The following NXPE3 variants were observed in gnomAD, a reference collection of about 807,000 sequenced individuals.
NXPE3 encodes NXPE family member 3.
In NXPE3, 26 loss-of-function variants were observed where a neutral mutation model predicts 46.1. That is an observed-to-expected ratio of 0.56 (90% confidence interval 0.41 to 0.78). The LOEUF (loss-of-function observed/expected upper bound fraction) is 0.78. Among genes scored for constraint, NXPE3 ranks in the 30% least tolerant of loss-of-function variants. NXPE3 has a pLI of 0.00. For missense variants in NXPE3, 620 were observed against 686.0 expected, an observed-to-expected ratio of 0.90 and a Z score of 1.07; for synonymous variants, 272 against 257.9, an observed-to-expected ratio of 1.05 and a Z score of -0.52.
At chr3:101,807,183 C>A in intron 6 of NXPE3, 57 bp downstream of exon 6, 1 of 1,323,386 alleles carries the variant, frequency 7.6e-7, no homozygotes, top group Non-Finnish European at 1.1e-6. Context: ...TGGGTTGAGG[C>A]TCTGTCGTTT....
intron 6 of NXPE3, among the ~76,000 whole-genome samples, chr3:101,809,964 T>G (rs1941637401): frequency 6.6e-6 from 1 of 152,222 alleles, no homozygotes; most frequent in South Asian, 2.1e-4. Flanking sequence ...TATTTTGAAG[T>G]TTTTTCCCTG....
chr3:101,819,765 T>C (rs1942162920), intron 7 of NXPE3, among the ~76,000 whole-genome samples: 1 of 152,222 alleles, frequency 6.6e-6, no homozygotes, highest in Admixed American at 6.5e-5. Context: ...AGTGAGAATA[T>C]TTAAAATCTC....
At chr3:101,807,643 A>G (rs779488062) in intron 6 of NXPE3, among the ~76,000 whole-genome samples, 1 of 151,978 alleles carries the variant, frequency 6.6e-6, no homozygotes, top group African/African-American at 2.4e-5. Flanking sequence ...CTCATGTAAA[A>G]GTTTTCTTCT....
At chr3:101,818,716 TATATATA>T (rs869195041) in intron 7 of NXPE3, among the ~76,000 whole-genome samples, 1,344 of 37,170 alleles carry the variant, frequency 0.036, 45 homozygotes, top group East Asian at 0.082. Context: ...TATGACAATT[TATATATA>T]TATATATATA....
chr3:101,820,109 T>G (rs566344754), intron 7 of NXPE3, among the ~76,000 whole-genome samples: 5 of 152,286 alleles, frequency 3.3e-5, no homozygotes, highest in African/African-American at 1.2e-4. Flanking sequence ...GTTGCTGATA[T>G]GTGCTCATAA....
chr3:101,783,331 G>C (rs1240565803), intron 3 of NXPE3, among the ~76,000 whole-genome samples: 1 of 152,212 alleles, frequency 6.6e-6, no homozygotes, highest in Non-Finnish European at 1.5e-5. Context: ...AAAGTGCTGG[G>C]ATTACAGGCG....
intron 5 of NXPE3, among the ~76,000 whole-genome samples, chr3:101,805,271 T>C (rs1412407744): frequency 2.0e-5 from 3 of 152,214 alleles, no homozygotes; most frequent in African/African-American, 7.2e-5. Context: ...GTTTCTTCAG[T>C]TGTCCCAATA....
intron 4 of NXPE3, among the ~76,000 whole-genome samples, chr3:101,788,463 G>A (rs1940318345): frequency 6.6e-6 from 1 of 152,146 alleles, no homozygotes; most frequent in Non-Finnish European, 1.5e-5. Flanking sequence ...ATTCAATGTT[G>A]TAAGACCTTT....
At chr3:101,812,648 T>C (rs1019487983) in intron 6 of NXPE3, among the ~76,000 whole-genome samples, 4 of 151,474 alleles carry the variant, frequency 2.6e-5, no homozygotes, top group African/African-American at 9.7e-5. Flanking sequence ...CCATCTCTAC[T>C]AAAAATGCAA....
chr3:101,796,059 C>T (rs1358320308), intron 4 of NXPE3, among the ~76,000 whole-genome samples: 1 of 152,230 alleles, frequency 6.6e-6, no homozygotes, highest in Non-Finnish European at 1.5e-5. Flanking sequence ...GATTTGGCTG[C>T]ATGCAAGCAT....
Position 101,827,123 on chromosome 3 carries a change from G to A in NXPE3, c.*5169G>A, listed in dbSNP as rs1942524300. ...ATATATTTTCTTTTTTAATATTCTG[G>A]TTAAATGAGAGGCCATCGGGCCTCT... On this transcript the variant is annotated 3_prime_UTR_variant, in exon 8 of 8. Transcript: ENST00000273347. 6.6e-6 allele frequency: 1 copy of A among 152,006 alleles called. No individual in the cohort carries two copies. Among genetic ancestry groups the A allele is most frequent in the South Asian group, 2.1e-4 (1 of 4,812 alleles). The allele number at this position is 152,006 out of a possible 1,614,324, so 9.4% of individuals were successfully genotyped here.
At chr3:101,814,638 G>A (rs1240079406) in intron 6 of NXPE3, among the ~76,000 whole-genome samples, 1 of 152,190 alleles carries the variant, frequency 6.6e-6, no homozygotes, top group Non-Finnish European at 1.5e-5. Flanking sequence ...TCTGAGTTGT[G>A]TAAGCATTTA....
chr3:101,811,727 A>ATTTTT (rs33999838), intron 6 of NXPE3, among the ~76,000 whole-genome samples: 29 of 98,620 alleles, frequency 2.9e-4, no homozygotes, highest in South Asian at 7.1e-4. Context: ...GCAGTAGTTA[A>ATTTTT]TTTTTTTTTT....
At position 101,795,618 on chromosome 3, in the gene NXPE3, A is replaced by G. The variant is rs72937646; in HGVS notation, c.94-5617A>G. On this transcript the variant is annotated intron_variant, in intron 4 of 7. Transcript: ENST00000273347. ...ATTGCAGTCTTTTATTTCTCCGATA[A>G]ACTCTCATTGAGCAAGTTCTGTATT... Among the ~76,000 whole-genome samples, 363 of 151,918 alleles carry G rather than the reference A, an allele frequency of 2.4e-3. 1 individual carries two copies. The highest frequency in any genetic ancestry group is 8.2e-3 in the African/African-American group (340 of 41,518).
At chr3:101,790,957 A>T (rs551860223) in intron 4 of NXPE3, among the ~76,000 whole-genome samples, 23 of 152,090 alleles carry the variant, frequency 1.5e-4, no homozygotes, top group South Asian at 1.2e-3. Context: ...TATTTTTTTT[A>T]AAACTTTCAT....
At position 101,785,615 on chromosome 3, in the gene NXPE3, A is replaced by C; in HGVS notation, c.19A>C (p.Lys7Gln). The C allele has an allele frequency of 2.5e-6, 4 of 1,614,078 alleles. No homozygotes were observed. Among genetic ancestry groups the C allele is most frequent in the Non-Finnish European group, 2.5e-6 (3 of 1,179,976 alleles). Residue 7 changes from lysine (K) to glutamine (Q), a missense_variant, in exon 4 of 8, where the codon AAA (lysine) becomes CAA (glutamine). Lys to Gln is a moderately conservative substitution (Grantham distance 53). Coordinates refer to ENST00000273347, the MANE Select transcript of NXPE3 (RefSeq NM_145037.4). ...CCAGACAATGTGGACCAATTTCTTCAAACTACGGCTTTTCTGCTGTCTGCT... is the reference window on the plus strand; with the variant it reads ...CCAGACAATGTGGACCAATTTCTTCCAACTACGGCTTTTCTGCTGTCTGCT... MWTNFF[K>Q]LRLFCCLLAV...
At chr3:101,807,147 G>T (rs1464418773) in intron 6 of NXPE3, 21 bp downstream of exon 6, 1 of 1,588,366 alleles carries the variant, frequency 6.3e-7, no homozygotes, top group Non-Finnish European at 8.6e-7. Context: ...GAATAAGCTT[G>T]ATGATTTGTT....
At chr3:101,820,025 T>C (rs199683294) in intron 7 of NXPE3, among the ~76,000 whole-genome samples, 8 of 143,422 alleles carry the variant, frequency 5.6e-5, no homozygotes, top group Admixed American at 4.9e-4. Context: ...GTGTGGCTTA[T>C]TTCACTTAGC....
intron 4 of NXPE3, among the ~76,000 whole-genome samples, 156 bp downstream of exon 4, chr3:101,785,845 A>G (rs1301890350): frequency 2.6e-5 from 4 of 152,178 alleles, no homozygotes; most frequent in Admixed American, 1.3e-4. Flanking sequence ...CAATGGTTAT[A>G]TACGCTGCTA....
Sources: gnomAD v4.1 joint callset for allele counts (sites outside exome capture counted in the v4.1 genomes callset) on GRCh38, gnomAD v4.1.1 for gene constraint, MANE v1.5 for transcripts, NCBI Gene and HGNC (gene_info 2026-07-23, HGNC 2026-07-21) for gene names.